SGCZ: variants seen among roughly 807,000 people sequenced by gnomAD.
SGCZ encodes zeta-sarcoglycan.
A neutral mutation model predicts 41.3 loss-of-function variants in SGCZ; 40 were observed. The ratio of observed to expected loss-of-function variants is 0.97; its 90% CI spans 0.75 to 1.26. The LOEUF is 1.26. Among genes scored for constraint, SGCZ ranks in the 50% most tolerant of loss-of-function variants. The pLI is 0.00. For missense variants in SGCZ, 552 were observed against 369.8 expected (o/e 1.49, Z -4.04); for synonymous variants, 206 against 137.5 (o/e 1.50, Z -3.49).
At chr8:14,094,222 C>T (rs558418979) in intron 7 of SGCZ, among the ~76,000 whole-genome samples, 30 of 152,106 alleles carry the variant, frequency 2.0e-4, no homozygotes, top group African/African-American at 7.2e-4. Context: ...ATTCATGTGC[C>T]ATGGTGGTTT....
In SGCZ at chr8:15,234,733, A is replaced by T. The variant is rs868162788; in HGVS notation, c.39+2852T>A. ...GACACTGCACAGCACATTTTAAAAAACCAATGTTTGCACACCCAGCACAGC... is the reference window on the plus strand; with the variant it reads ...GACACTGCACAGCACATTTTAAAAATCCAATGTTTGCACACCCAGCACAGC... On this transcript the variant is annotated intron_variant, in intron 1 of 7. Coordinates refer to ENST00000382080, the MANE Select transcript of SGCZ (RefSeq NM_139167.4). Among the ~76,000 whole-genome samples the T allele has an allele frequency of 2.6e-5, 4 of 152,184 alleles. No homozygotes were observed. In the East Asian group the frequency reaches 5.8e-4, roughly 22 times the overall value.
At chr8:14,757,758 A>C (rs913146133) in intron 1 of SGCZ, among the ~76,000 whole-genome samples, 2 of 152,202 alleles carry the variant, frequency 1.3e-5, no homozygotes, top group African/African-American at 4.8e-5. Context: ...ATAAACCTTA[A>C]GCTTCCCAAC....
At chr8:15,069,255 A>T (rs185242972) in intron 1 of SGCZ, among the ~76,000 whole-genome samples, 11 of 152,106 alleles carry the variant, frequency 7.2e-5, no homozygotes, top group African/African-American at 2.7e-4. Context: ...GTTGGTCTCA[A>T]ACTCTTGGCC....
chr8:14,525,430 A>G (rs1802917551), intron 2 of SGCZ, among the ~76,000 whole-genome samples: 1 of 152,128 alleles, frequency 6.6e-6, no homozygotes, highest in Non-Finnish European at 1.5e-5. Flanking sequence ...ATTATTATGT[A>G]TGTTATACTT....
intron 3 of SGCZ, among the ~76,000 whole-genome samples, chr8:14,279,741 A>G (rs756552887): frequency 6.6e-6 from 1 of 152,054 alleles, no homozygotes; most frequent in Non-Finnish European, 1.5e-5. Context: ...TCTAAAAAGT[A>G]GATTCACAGC....
chr8:14,109,736 C>A (rs1802317304), intron 5 of SGCZ, among the ~76,000 whole-genome samples: 3 of 152,086 alleles, frequency 2.0e-5, no homozygotes, highest in African/African-American at 4.8e-5. Flanking sequence ...CAGATGACTC[C>A]TTTGCATAAT....
At chr8:15,140,342 G>C (rs1808275585) in intron 1 of SGCZ, among the ~76,000 whole-genome samples, 1 of 152,090 alleles carries the variant, frequency 6.6e-6, no homozygotes, top group African/African-American at 2.4e-5. Context: ...AGCTTATTTA[G>C]AGCTCATAAC....
chr8:14,576,219 A>G (rs913584044), intron 1 of SGCZ, among the ~76,000 whole-genome samples: 1 of 152,198 alleles, frequency 6.6e-6, no homozygotes, highest in Non-Finnish European at 1.5e-5. Context: ...TGTGCTGTCT[A>G]TGTCGGCATA....
chr8:15,028,311 G>A (rs1056013170), intron 1 of SGCZ, among the ~76,000 whole-genome samples: 2 of 152,170 alleles, frequency 1.3e-5, no homozygotes, highest in Admixed American at 6.5e-5. Flanking sequence ...TTCTTCTGAC[G>A]TCTTTCGAAG....
At position 14,156,443 on chromosome 8, in the gene SGCZ, G is replaced by A. The variant is rs181726748; in HGVS notation, c.547+8137C>T. ...GCCACTTCACTCCAGCCTGGGTGAC[G>A]GAGTGAGACTCCATCTCAGAAAAAA... On this transcript the variant is annotated intron_variant, in intron 5 of 7. Coordinates refer to ENST00000382080, the MANE Select transcript of SGCZ (RefSeq NM_139167.4). Among the ~76,000 whole-genome samples the A allele has an allele frequency of 3.9e-4, 60 of 151,976 alleles. 1 individual carries two copies. Among genetic ancestry groups the A allele is most frequent in the African/African-American group, 1.2e-3 (51 of 41,456 alleles).
chr8:14,412,551 C>T (rs923775781), intron 2 of SGCZ, among the ~76,000 whole-genome samples: 3 of 152,082 alleles, frequency 2.0e-5, no homozygotes, highest in Non-Finnish European at 4.4e-5. Context: ...TTCATCTAGT[C>T]ATCAGGTAAA....
intron 2 of SGCZ, among the ~76,000 whole-genome samples, chr8:14,521,906 C>T (rs1000469782): frequency 3.3e-5 from 5 of 152,058 alleles, no homozygotes; most frequent in Non-Finnish European, 7.4e-5. Flanking sequence ...GCTGTAGATG[C>T]TGTACGTCAA....
chr8:14,451,275 A>T (rs1255237780), intron 2 of SGCZ, among the ~76,000 whole-genome samples: 1 of 152,138 alleles, frequency 6.6e-6, no homozygotes, highest in Non-Finnish European at 1.5e-5. Context: ...TCCTACGTTC[A>T]TTTTTGATGA....
Position 14,317,411 on chromosome 8 carries a change from G to C in SGCZ, c.336+6692C>G, listed in dbSNP as rs567461598. On this transcript the variant is annotated intron_variant, in intron 3 of 7. Coordinates refer to ENST00000382080, the MANE Select transcript of SGCZ (RefSeq NM_139167.4). ...GGACTCCAGAGCTGTAGTGTATGCT[G>C]AATGTTAGCTATTATTAAAAATCAT... Among the ~76,000 whole-genome samples the C allele has an allele frequency of 6.6e-5, 10 of 151,992 alleles. No homozygotes were observed. The South Asian group carries it at 2.1e-3, about 32-fold the overall frequency.
At chr8:14,730,827 A>T (rs2254162) in intron 1 of SGCZ, among the ~76,000 whole-genome samples, 123,569 of 151,694 alleles carry the variant, frequency 0.81, 50,898 homozygotes, top group African/African-American at 0.94. Context: ...ACAAAATGAG[A>T]AAGAATGCTG....
intron 1 of SGCZ, among the ~76,000 whole-genome samples, chr8:14,581,021 G>C (rs1041361182): frequency 6.6e-6 from 1 of 152,170 alleles, no homozygotes; most frequent in South Asian, 2.1e-4. Flanking sequence ...ACTGATACAG[G>C]TATCCTGTGA....
intron 1 of SGCZ, among the ~76,000 whole-genome samples, chr8:14,752,512 G>GGTTTATTC (rs1799529996): frequency 6.6e-6 from 1 of 151,908 alleles, no homozygotes. Context: ...TGTAATAATT[G>GGTTTATTC]GTTTATTCAT....
chr8:14,432,201 T>G (rs370754044), intron 2 of SGCZ, among the ~76,000 whole-genome samples: 2 of 152,102 alleles, frequency 1.3e-5, no homozygotes, highest in East Asian at 1.9e-4. Context: ...GAGGAAAATA[T>G]GTCATTATAC....
chr8:15,111,045 A>G (rs1807031016), intron 1 of SGCZ, among the ~76,000 whole-genome samples: 1 of 152,190 alleles, frequency 6.6e-6, no homozygotes, highest in Non-Finnish European at 1.5e-5. Context: ...GAGGCAGGAG[A>G]ATATGGTCTG....
Sources: allele counts gnomAD v4.1 joint callset (sites outside exome capture counted in the v4.1 genomes callset), GRCh38; gene constraint gnomAD v4.1.1; transcripts MANE v1.5; gene names NCBI Gene and HGNC (gene_info 2026-07-23, HGNC 2026-07-21).